AATF: variants seen among roughly 807,000 people sequenced by gnomAD.
The protein encoded by AATF is protein AATF.
AATF carries 48 observed loss-of-function variants against 63.7 expected under a neutral mutation model. That is an observed-to-expected ratio of 0.75 (90% CI 0.60 to 0.96). The LOEUF (loss-of-function observed/expected upper bound fraction) is 0.96. Among genes scored for constraint, AATF ranks in the 40% least tolerant of loss-of-function variants. The probability of loss-of-function intolerance (pLI) is 0.00; values close to 1 mark genes in which losing one functional copy is unlikely to be tolerated. For missense variants in AATF, 639 were observed against 685.7 expected, an observed-to-expected ratio of 0.93 and a Z score of 0.76; for synonymous variants, 258 against 247.7, an observed-to-expected ratio of 1.04 and a Z score of -0.39.
chr17:36,964,170 CTTTTT>C (rs36064518), intron 4 of AATF, among the ~76,000 whole-genome samples: 1 of 101,386 alleles, frequency 9.9e-6, no homozygotes, highest in East Asian at 2.8e-4. Flanking sequence ...GGGTGTTTTG[CTTTTT>C]TTTTTTTTTT....
Position 36,950,330 on chromosome 17 carries a change from A to C in AATF, c.208A>C (p.Arg70=), listed in dbSNP as rs774218297. 48 of 1,614,038 alleles carry C rather than the reference A, an allele frequency of 3.0e-5. No homozygotes were observed. Among genetic ancestry groups the C allele is most frequent in the Non-Finnish European group, 3.8e-5 (45 of 1,180,024 alleles). The part of the protein sequence containing the change: ...ASASLLDTDK[R]YCGKTTSRKA... ...AGCCTCCCTCTTGGACACGGACAAA[A>C]GGTATTGCGGCAAAACCACCTCTAG... The change falls in exon 2 of 12, where the codon AGG becomes CGG. Residue 70 remains arginine (R), a synonymous_variant. Transcript: ENST00000619387.
chr17:36,976,263 T>C (rs2071079304), intron 4 of AATF, among the ~76,000 whole-genome samples: 1 of 152,226 alleles, frequency 6.6e-6, no homozygotes, highest in African/African-American at 2.4e-5. Context: ...AAGCTTATAG[T>C]AGTGTTTCAA....
intron 4 of AATF, among the ~76,000 whole-genome samples, chr17:36,979,098 T>G (rs2071101276): frequency 6.6e-6 from 1 of 152,080 alleles, no homozygotes; most frequent in African/African-American, 2.4e-5. Flanking sequence ...TTTAAAACAC[T>G]AGCAAGTCGG....
chr17:36,966,546 G>C (rs189665707), intron 4 of AATF, among the ~76,000 whole-genome samples: 1 of 152,146 alleles, frequency 6.6e-6, no homozygotes, highest in Non-Finnish European at 1.5e-5. Context: ...GGGATTACAG[G>C]TGTGAACCGC....
chr17:36,954,402 T>C (rs191826737), intron 4 of AATF, among the ~76,000 whole-genome samples: 4 of 152,236 alleles, frequency 2.6e-5, no homozygotes, highest in Admixed American at 6.5e-5. Flanking sequence ...TCTTTAAAGC[T>C]CAGGGGACAC....
chr17:37,047,690 A>G (rs1483963611), intron 11 of AATF, among the ~76,000 whole-genome samples: 1 of 152,226 alleles, frequency 6.6e-6, no homozygotes, highest in Non-Finnish European at 1.5e-5. Flanking sequence ...TTCTGACCTG[A>G]CCAAAAGAAC....
Position 37,037,949 on chromosome 17 carries a change from G to A in AATF, c.1619+6264G>A, listed in dbSNP as rs142688839. Among the ~76,000 whole-genome samples the A allele has an allele frequency of 3.3e-5, 5 of 152,226 alleles. No homozygotes were observed. In the East Asian group the frequency reaches 9.7e-4, roughly 29 times the overall value. On this transcript the variant is annotated intron_variant, in intron 11 of 11. Transcript: ENST00000619387. ...CTTGCTCCTGCTGTGGCCTTGTGAG[G>A]CATCTGCTCCCCCTTCGCCTTCTGC...
In AATF at chr17:37,020,869, A is replaced by G. The variant is rs1487363773; in HGVS notation, c.1467-65A>G. On this transcript the variant is annotated intron_variant, in intron 9 of 11. Coordinates refer to ENST00000619387, the MANE Select transcript of AATF (RefSeq NM_012138.4). ...CTGCAGGGTTGTTAGAATAATTCCA[A>G]TTTGTCAATATGTATAACTATTTCT... is the stretch of plus-strand genomic sequence containing the variant. 4.4e-5 allele frequency: 57 copies of G among 1,302,632 alleles called. No individual in the cohort carries two copies. The Admixed American group carries it at 5.0e-4, about 11-fold the overall frequency. The allele number at this position is 1,302,632 out of a possible 1,614,324, so 80.7% of individuals were successfully genotyped here. A position where few individuals can be genotyped will look rare whatever the true frequency, so the allele number is the denominator to read the frequency against.
intron 8 of AATF, among the ~76,000 whole-genome samples, chr17:37,000,707 G>A (rs901751272): frequency 3.9e-5 from 6 of 152,260 alleles, no homozygotes; most frequent in South Asian, 4.1e-4. Context: ...AAAGAGATTC[G>A]AAGCCCACGT....
intron 11 of AATF, among the ~76,000 whole-genome samples, chr17:37,034,162 G>A (rs2071572381): frequency 6.6e-6 from 1 of 152,134 alleles, no homozygotes; most frequent in Admixed American, 6.5e-5. Flanking sequence ...ACCAAAGTGC[G>A]CACCATTCTC....
intron 9 of AATF, among the ~76,000 whole-genome samples, chr17:37,020,483 A>C (rs548502174): frequency 6.6e-6 from 1 of 152,250 alleles, no homozygotes; most frequent in Non-Finnish European, 1.5e-5. Context: ...AAAAATTAGC[A>C]AAAATTGGAA....
intron 11 of AATF, among the ~76,000 whole-genome samples, chr17:37,039,093 A>C (rs557621219): frequency 7.2e-5 from 11 of 152,204 alleles, no homozygotes; most frequent in Non-Finnish European, 1.5e-4. Context: ...AAGATAGTTA[A>C]ACCATTTCTT....
At chr17:37,028,215 C>G (rs2071524647) in intron 10 of AATF, among the ~76,000 whole-genome samples, 1 of 151,784 alleles carries the variant, frequency 6.6e-6, no homozygotes, top group Admixed American at 6.6e-5. Flanking sequence ...AATTTGAGAC[C>G]AGCCTGGACA....
chr17:36,983,882 G>A (rs1219316524), intron 4 of AATF, among the ~76,000 whole-genome samples: 1 of 152,212 alleles, frequency 6.6e-6, no homozygotes, highest in African/African-American at 2.4e-5. Flanking sequence ...ATGCAAAGTA[G>A]TTATTGGACC....
chr17:37,005,700 C>G (rs1402698594), intron 8 of AATF, among the ~76,000 whole-genome samples: 1 of 152,120 alleles, frequency 6.6e-6, no homozygotes, highest in Non-Finnish European at 1.5e-5. Flanking sequence ...CTTCTTCCTG[C>G]CTTTATTATA....
At chr17:37,034,461 G>T (rs1460068754) in intron 11 of AATF, among the ~76,000 whole-genome samples, 2 of 152,118 alleles carry the variant, frequency 1.3e-5, no homozygotes, top group East Asian at 3.9e-4. Context: ...TTTCATAATT[G>T]TTAGAATATC....
intron 11 of AATF, among the ~76,000 whole-genome samples, chr17:37,037,270 C>T (rs919489212): frequency 2.0e-5 from 3 of 152,148 alleles, no homozygotes; most frequent in Non-Finnish European, 4.4e-5. Flanking sequence ...CTGCTTCGGC[C>T]TCCCAAAGTC....
At chr17:36,994,665 T>C (rs890728306) in intron 8 of AATF, among the ~76,000 whole-genome samples, 1 of 152,238 alleles carries the variant, frequency 6.6e-6, no homozygotes, top group African/African-American at 2.4e-5. Flanking sequence ...TTCAGAAATA[T>C]TTTCAGTGTC....
chr17:36,960,138 G>A (rs1196071835), intron 4 of AATF, among the ~76,000 whole-genome samples: 12 of 151,874 alleles, frequency 7.9e-5, no homozygotes, highest in South Asian at 4.2e-4. Context: ...CTCAGCCTCC[G>A]GAGTAGCAGG....
Sources: gnomAD v4.1 joint callset for allele counts (sites outside exome capture counted in the v4.1 genomes callset) on GRCh38, gnomAD v4.1.1 for gene constraint, MANE v1.5 for transcripts, NCBI Gene and HGNC (gene_info 2026-07-23, HGNC 2026-07-21) for gene names.